Variants in GSAP observed in about 807,000 individuals in gnomAD.
GSAP encodes gamma-secretase activating protein.
In GSAP, 118 loss-of-function variants were observed where a neutral mutation model predicts 131.7. That is an observed-to-expected ratio of 0.90 (90% confidence interval 0.77 to 1.04). The LOEUF is 1.04. GSAP is among the 50% of genes least tolerant of loss of function. GSAP has a pLI of 0.00. For synonymous variants in GSAP, 381 were observed against 363.4 expected, an observed-to-expected ratio of 1.05 and a Z score of -0.55; for missense variants, 1,019 against 1,013.2, an observed-to-expected ratio of 1.01 and a Z score of -0.08.
intron 12 of GSAP, among the ~76,000 whole-genome samples, chr7:77,371,874 G>C (rs1796167867): frequency 6.6e-6 from 1 of 152,202 alleles, no homozygotes; most frequent in African/African-American, 2.4e-5. Flanking sequence ...GAATAGAATA[G>C]TCACATGGTG....
rs533755073 is a variant in GSAP, at chr7:77,377,237, T to TAAAAAAAAAAAAAAAAAAAAA, written c.681+28_681+48dup. The TAAAAAAAAAAAAAAAAAAAAA allele has an allele frequency of 3.0e-4, 268 of 894,324 alleles. 8 individuals are homozygous for TAAAAAAAAAAAAAAAAAAAAA. The highest frequency in any genetic ancestry group is 1.4e-3 in the Middle Eastern group (3 of 2,204). 55.4% of individuals were successfully genotyped at this position (894,324 alleles called of 1,614,324 possible). A position where few individuals can be genotyped will look rare whatever the true frequency, so the allele number is the denominator to read the frequency against. ...GTCTCTAAAAAAATTAATATTTTTGTAAAAAAAAAAAAAAAAAAAAAGGAG... is the reference window on the plus strand; with the variant it reads ...GTCTCTAAAAAAATTAATATTTTTGTAAAAAAAAAAAAAAAAAAAAAAAAAAAAAAAAAAAAAAAAAAGGAG... On this transcript the variant is annotated intron_variant, in intron 9 of 30. Transcript: ENST00000257626.
At chr7:77,375,704 C>T (rs1374702827) in intron 10 of GSAP, among the ~76,000 whole-genome samples, 1 of 151,992 alleles carries the variant, frequency 6.6e-6, no homozygotes. Context: ...ATTAGCTGGT[C>T]ATGGTGACAG....
chr7:77,331,827 C>T (rs1036972161), intron 19 of GSAP: 3 of 151,398 alleles, frequency 2.0e-5, no homozygotes, highest in African/African-American at 7.3e-5. Context: ...CTTTTCTTTC[C>T]CTTTCCATTT....
In GSAP at chr7:77,374,742, G is replaced by A. The variant is rs538078965; in HGVS notation, c.785+316C>T. ...ACAAAAAGGGTTTTGATGTTTGATT[G>A]TCAATGTAGCTCTCTGAACCATCGA... On this transcript the variant is annotated intron_variant, in intron 11 of 30. Transcript: ENST00000257626. 2.6e-5 allele frequency among the ~76,000 whole-genome samples: 4 copies of A among 152,074 alleles called. No individual in the cohort carries two copies. The East Asian group carries it at 7.7e-4, about 29-fold the overall frequency.
intron 7 of GSAP, 112 bp downstream of exon 7, chr7:77,382,462 A>G (rs1797941226): frequency 1.6e-6 from 1 of 642,060 alleles, no homozygotes; most frequent in Non-Finnish European, 2.9e-6. Context: ...ATCAAAGCTT[A>G]GCAGACCCTT....
chr7:77,416,361 C>G, upstream of GSAP: 1 of 1,212,658 alleles, frequency 8.2e-7, no homozygotes, highest in Non-Finnish European at 1.1e-6. Flanking sequence ...GGGCCCCGCA[C>G]CGCGGGCATT....
At chr7:77,343,775 G>T (rs1791370511) in intron 19 of GSAP, among the ~76,000 whole-genome samples, 1 of 152,202 alleles carries the variant, frequency 6.6e-6, no homozygotes. Context: ...TCTCCTTCCA[G>T]CCTCACAGGC....
rs17152209 is a variant in GSAP, at chr7:77,356,603, T to C, written c.1028-956A>G. Among the ~76,000 whole-genome samples the C allele has an allele frequency of 2.5e-3, 386 of 152,304 alleles. 3 individuals carry two copies. Among genetic ancestry groups the C allele is most frequent in the African/African-American group, 8.7e-3 (363 of 41,578 alleles). ...TATCAAGCTGACTAGAATTCACACC[T>C]TCAGTCCCTGCACTAGATATTTTTG... On this transcript the variant is annotated intron_variant, in intron 14 of 30. Transcript: ENST00000257626.
intron 2 of GSAP, among the ~76,000 whole-genome samples, chr7:77,405,568 C>T (rs1038573517): frequency 2.0e-5 from 3 of 152,042 alleles, no homozygotes; most frequent in Non-Finnish European, 4.4e-5. Context: ...GACAGGGTTT[C>T]GCTCTGTCAC....
chr7:77,313,047 T>G (rs1387445535), intron 28 of GSAP, among the ~76,000 whole-genome samples: 4 of 152,240 alleles, frequency 2.6e-5, no homozygotes, highest in Non-Finnish European at 4.4e-5. Flanking sequence ...TGTTTCTCAT[T>G]CTTCCTTTGA....
chr7:77,312,773 C>T (rs758113551), intron 28 of GSAP, among the ~76,000 whole-genome samples: 4 of 152,176 alleles, frequency 2.6e-5, no homozygotes, highest in Admixed American at 6.5e-5. Flanking sequence ...AACAGACAGC[C>T]GTTCGTGAGA....
chr7:77,338,869 T>C (rs1790454732), intron 19 of GSAP, among the ~76,000 whole-genome samples: 1 of 152,198 alleles, frequency 6.6e-6, no homozygotes, highest in Non-Finnish European at 1.5e-5. Context: ...TAAAAGGAAG[T>C]GCTTCAGAAT....
At chr7:77,337,041 T>G (rs958064910) in intron 19 of GSAP, among the ~76,000 whole-genome samples, 1 of 152,236 alleles carries the variant, frequency 6.6e-6, no homozygotes, top group South Asian at 2.1e-4. Context: ...TACCATTACT[T>G]CAGACCACTA....
intron 27 of GSAP, 50 bp from the exon 28 acceptor site, chr7:77,313,599 C>T: frequency 1.1e-6 from 1 of 870,210 alleles, no homozygotes; most frequent in South Asian, 1.4e-5. Context: ...CATTTTGATA[C>T]TTTAGCAAGT....
At chr7:77,356,505 T>G (rs1793746977) in intron 14 of GSAP, among the ~76,000 whole-genome samples, 4 of 152,210 alleles carry the variant, frequency 2.6e-5, no homozygotes, top group Admixed American at 2.0e-4. Flanking sequence ...AGAGAACCTT[T>G]AAATCGATAT....
chr7:77,311,530 A>C, intron 30 of GSAP, 81 bp from the exon 31 acceptor site: 1 of 701,454 alleles, frequency 1.4e-6, no homozygotes, highest in Non-Finnish European at 2.5e-6. Context: ...CTCACAGCTC[A>C]TTAAAATCAT....
In GSAP at chr7:77,408,708, A is replaced by G. The variant is rs1393211806; in HGVS notation, c.110-2603T>C. On this transcript the variant is annotated intron_variant, in intron 1 of 30. Transcript: ENST00000257626. ...TGCCTCCAAAAAAAAAAAAAAAAAAAAAAAAGAAAAGATAAATTGCTTAAA... is the reference window on the plus strand; with the variant it reads ...TGCCTCCAAAAAAAAAAAAAAAAAAGAAAAAGAAAAGATAAATTGCTTAAA... Among the ~76,000 whole-genome samples the G allele has an allele frequency of 2.0e-5, 3 of 151,700 alleles. No individual in the cohort carries two copies. In the East Asian group the frequency reaches 5.8e-4, roughly 29 times the overall value.
intron 12 of GSAP, among the ~76,000 whole-genome samples, chr7:77,365,245 A>C (rs956165680): frequency 2.0e-5 from 3 of 151,896 alleles, no homozygotes; most frequent in African/African-American, 7.3e-5. Context: ...TTTAACTTCT[A>C]TTTTCAGTTC....
chr7:77,354,866 A>G (rs1331768175), intron 16 of GSAP, among the ~76,000 whole-genome samples: 4 of 152,212 alleles, frequency 2.6e-5, no homozygotes. Context: ...CTGCCACCAG[A>G]TTTTAGTCCT....
Sources: gnomAD v4.1 joint callset for allele counts (sites outside exome capture counted in the v4.1 genomes callset) on GRCh38, gnomAD v4.1.1 for gene constraint, MANE v1.5 for transcripts, NCBI Gene and HGNC (gene_info 2026-07-23, HGNC 2026-07-21) for gene names.